The following PCDHGA7 variants were observed in gnomAD, a reference collection of about 807,000 sequenced individuals.
The protein encoded by PCDHGA7 is protocadherin gamma-A7.
In PCDHGA7, 44 loss-of-function variants were observed where a neutral mutation model predicts 58.3. The observed-to-expected ratio is 0.75, with a 90% confidence interval of 0.59 to 0.97. PCDHGA7 has a LOEUF of 0.97. Ranked by LOEUF, PCDHGA7 falls within the 50% of genes least tolerant of loss-of-function variation. The pLI is 0.00. For missense variants in PCDHGA7, 1,266 were observed against 1,188.7 expected, an observed-to-expected ratio of 1.06 and a Z score of -0.96; for synonymous variants, 516 against 504.2, an observed-to-expected ratio of 1.02 and a Z score of -0.31.
At position 141,499,689 on chromosome 5, in the gene PCDHGA7, C is replaced by CTT. The variant is rs545067566; in HGVS notation, c.2483+4845_2483+4846dup. 4.8e-3 allele frequency among the ~76,000 whole-genome samples: 577 copies of CTT among 119,808 alleles called. 2 individuals carry two copies. Among genetic ancestry groups the CTT allele is most frequent in the Non-Finnish European group, 6.7e-3 (386 of 57,912 alleles). 78.6% of individuals were successfully genotyped at this position (119,808 alleles called of 152,430 possible). A position where few individuals can be genotyped will look rare whatever the true frequency, so the allele number is the denominator to read the frequency against. On this transcript the variant is annotated intron_variant, in intron 2 of 3. Coordinates refer to ENST00000518325, the MANE Select transcript of PCDHGA7 (RefSeq NM_018920.4). ...GGTCTCCACCATCTTTAACAGATGA[C>CTT]TTTTTTTTTTTTTTTTTTTTTTGGA...
At position 141,476,901 on chromosome 5, in the gene PCDHGA7, G is replaced by C; in HGVS notation, c.2425-17906G>C. On this transcript the variant is annotated intron_variant, in intron 1 of 3. Coordinates refer to ENST00000518325, the MANE Select transcript of PCDHGA7 (RefSeq NM_018920.4). The surrounding 1 kb of genome is among the most constrained non-coding windows in gnomAD (Gnocchi z 7.6). ...CTGGAGGATGCACCCTCCGGCACGC[G>C]CGTGGTACAAGTCCTTGCAACGGAT... The C allele has an allele frequency of 1.2e-6, 2 of 1,613,900 alleles. No homozygotes were observed. Among genetic ancestry groups the C allele is most frequent in the Non-Finnish European group, 1.7e-6 (2 of 1,180,034 alleles).
intron 1 of PCDHGA7, chr5:141,423,820 C>T: frequency 7.9e-7 from 1 of 1,272,642 alleles, no homozygotes. Context: ...TTTTACTTTG[C>T]CTTTCATGAG....
chr5:141,470,837 G>A (rs932315417), intron 1 of PCDHGA7, among the ~76,000 whole-genome samples: 4 of 151,948 alleles, frequency 2.6e-5, no homozygotes, highest in Non-Finnish European at 4.4e-5. Flanking sequence ...ACAAACACAC[G>A]CCACCATGCT....
Position 141,480,177 on chromosome 5 carries a change from G to T in PCDHGA7, c.2425-14630G>T, listed in dbSNP as rs570721769. 4.6e-5 allele frequency among the ~76,000 whole-genome samples: 7 copies of T among 152,066 alleles called. No homozygotes were observed. In the South Asian group the frequency reaches 6.3e-4, roughly 14 times the overall value. ...CTAGCATTTTGGGAGGCTGAGGCAGGCGGATTGCTTGAGGCCAGCAGTTCA... is the reference window on the plus strand; with the variant it reads ...CTAGCATTTTGGGAGGCTGAGGCAGTCGGATTGCTTGAGGCCAGCAGTTCA... On this transcript the variant is annotated intron_variant, in intron 1 of 3. Coordinates refer to ENST00000518325, the MANE Select transcript of PCDHGA7 (RefSeq NM_018920.4).
intron 1 of PCDHGA7, among the ~76,000 whole-genome samples, chr5:141,446,394 A>C (rs796472404): frequency 1.1e-4 from 17 of 152,344 alleles, no homozygotes; most frequent in African/African-American, 3.4e-4. Context: ...ATTTAAGAGA[A>C]ATCGAGTTGA....
chr5:141,458,694 C>T (rs905547768), intron 1 of PCDHGA7, among the ~76,000 whole-genome samples: 3 of 152,018 alleles, frequency 2.0e-5, no homozygotes, highest in Non-Finnish European at 2.9e-5. Flanking sequence ...CTCAGCCTCC[C>T]GAGTAGCTGG....
At chr5:141,426,514 G>A (rs867794856) in intron 1 of PCDHGA7, 22 of 340,738 alleles carry the variant, frequency 6.5e-5, no homozygotes, top group Non-Finnish European at 8.2e-5. Context: ...ATACTTTACC[G>A]TGAACACGGA....
At position 141,455,034 on chromosome 5, in the gene PCDHGA7, G is replaced by T. The variant is rs112590950; in HGVS notation, c.2425-39773G>T. 8.3e-3 allele frequency among the ~76,000 whole-genome samples: 1,254 copies of T among 150,894 alleles called. 18 individuals are homozygous for T. Among genetic ancestry groups the T allele is most frequent in the African/African-American group, 0.029 (1,191 of 41,122 alleles). ...TCACCGTGTTAGCCAGGATGGTCTC[G>T]ATCTCCTGACCTCGTGATCCGCCCG... On this transcript the variant is annotated intron_variant, in intron 1 of 3. Coordinates refer to ENST00000518325, the MANE Select transcript of PCDHGA7 (RefSeq NM_018920.4).
intron 1 of PCDHGA7, among the ~76,000 whole-genome samples, chr5:141,462,125 A>AT (rs1561991410): frequency 6.6e-6 from 1 of 151,688 alleles, no homozygotes; most frequent in African/African-American, 2.4e-5. Context: ...ACCCAGTCCA[A>AT]TTTTTTGTAT....
intron 1 of PCDHGA7, chr5:141,424,783 T>C (rs1285808638): frequency 1.3e-5 from 2 of 152,212 alleles, no homozygotes; most frequent in African/African-American, 4.8e-5. Flanking sequence ...TACATTCAGT[T>C]CTTTTATTCA....
intron 1 of PCDHGA7, chr5:141,403,714 C>A: frequency 1.2e-6 from 2 of 1,613,910 alleles, no homozygotes; most frequent in South Asian, 1.1e-5. Context: ...TCCTTGAGAA[C>A]GTGCCCCCAG....
At chr5:141,474,148 A>G (rs773360112) in intron 1 of PCDHGA7, among the ~76,000 whole-genome samples, 4 of 152,244 alleles carry the variant, frequency 2.6e-5, no homozygotes, top group Non-Finnish European at 5.9e-5. Context: ...CTTATTATCA[A>G]GAAAATGACA....
chr5:141,436,121 C>T (rs2097796819), intron 1 of PCDHGA7, among the ~76,000 whole-genome samples: 1 of 152,154 alleles, frequency 6.6e-6, no homozygotes, highest in Admixed American at 6.5e-5. Context: ...AAACCTCTCT[C>T]CTCCATCATC....
Position 141,490,348 on chromosome 5 carries a change from G to T in PCDHGA7, c.2425-4459G>T, listed in dbSNP as rs2099698964. On this transcript the variant is annotated intron_variant, in intron 1 of 3. Transcript: ENST00000518325. The surrounding 1 kb of genome is among the most constrained non-coding windows in gnomAD (Gnocchi z 5.4). ...GAGCACACCAGTGGGCACAGTAGTG[G>T]GGTTGTTTAATGTGCGAGACCGGGA... The T allele has an allele frequency of 1.2e-6, 2 of 1,614,080 alleles. No homozygotes were observed. The highest frequency in any genetic ancestry group is 3.3e-5 in the Admixed American group (2 of 60,018).
Position 141,423,752 on chromosome 5 carries a change from G to A in PCDHGA7, c.2424+38429G>A, listed in dbSNP as rs749899386. 4.7e-6 allele frequency: 3 copies of A among 644,956 alleles called. 1 individual carries two copies. The highest frequency in any genetic ancestry group is 1.1e-4 in the South Asian group (2 of 17,914). 40.0% of individuals were successfully genotyped at this position (644,956 alleles called of 1,614,324 possible). ...TTGAGCCTGTTATGAAAACTGTTTGGGGGGGGGGTGGGGCGGCATATATTT... is the reference window on the plus strand; with the variant it reads ...TTGAGCCTGTTATGAAAACTGTTTGAGGGGGGGGTGGGGCGGCATATATTT... On this transcript the variant is annotated intron_variant, in intron 1 of 3. Transcript: ENST00000518325.
chr5:141,398,854 A>C, intron 1 of PCDHGA7: 1 of 1,613,984 alleles, frequency 6.2e-7, no homozygotes, highest in Non-Finnish European at 8.5e-7. Flanking sequence ...CCCGGTATTC[A>C]ACCGAGACGT....
intron 2 of PCDHGA7, among the ~76,000 whole-genome samples, chr5:141,500,212 ATT>A (rs1336187706): frequency 5.4e-5 from 8 of 148,798 alleles, no homozygotes; most frequent in African/African-American, 2.0e-4. Context: ...TTATTTATTT[ATT>A]TATTTATTTA....
chr5:141,509,825 C>A (rs1057042581), intron 3 of PCDHGA7, among the ~76,000 whole-genome samples: 18 of 152,222 alleles, frequency 1.2e-4, no homozygotes, highest in African/African-American at 1.2e-4. Context: ...TCTCCATCTT[C>A]TCTCTACCTC....
intron 1 of PCDHGA7, among the ~76,000 whole-genome samples, chr5:141,463,726 A>G (rs6888081): frequency 0.29 from 44,573 of 151,836 alleles, 7,596 homozygotes; most frequent in African/African-American, 0.48. Flanking sequence ...GATTACAGGC[A>G]TGAGCCACCG....
Sources: gnomAD v4.1 joint callset for allele counts (sites outside exome capture counted in the v4.1 genomes callset) on GRCh38, gnomAD v4.1.1 for gene constraint, Gnocchi (gnomAD v3.1) non-coding constraint, MANE v1.5 for transcripts, NCBI Gene and HGNC (gene_info 2026-07-23, HGNC 2026-07-21) for gene names.